PARD6G: variants seen among roughly 807,000 people sequenced by gnomAD.
PARD6G encodes the protein partitioning defective 6 homolog gamma.
In PARD6G, 7 loss-of-function variants were observed where a neutral mutation model predicts 10.7. The observed-to-expected ratio is 0.66, with a 90% confidence interval of 0.37 to 1.23. PARD6G has a LOEUF of 1.23. Among genes scored for constraint, PARD6G ranks in the 50% most tolerant of loss-of-function variants. The probability of loss-of-function intolerance (pLI) is 0.02; values close to 1 mark genes in which losing one functional copy is unlikely to be tolerated. For synonymous variants in PARD6G, 287 were observed against 269.4 expected, an observed-to-expected ratio of 1.07 and a Z score of -0.64; for missense variants, 548 against 571.8, an observed-to-expected ratio of 0.96 and a Z score of 0.42.
At chr18:80,229,020 C>A (rs752585941) in intron 1 of PARD6G, among the ~76,000 whole-genome samples, 1 of 152,160 alleles carries the variant, frequency 6.6e-6, no homozygotes, top group African/African-American at 2.4e-5. Flanking sequence ...CTCACCATAA[C>A]CTCCACCTCC....
In PARD6G at chr18:80,158,710, T is replaced by G. The variant is rs757225556; in HGVS notation, c.*1061A>C. 1 of 152,338 alleles carries G rather than the reference T, an allele frequency of 6.6e-6. No homozygotes were observed. The highest frequency in any genetic ancestry group is 2.1e-4 in the South Asian group (1 of 4,824). 9.4% of individuals were successfully genotyped at this position (152,338 alleles called of 1,614,324 possible). On this transcript the variant is annotated 3_prime_UTR_variant, in exon 3 of 3. Coordinates refer to ENST00000353265, the MANE Select transcript of PARD6G (RefSeq NM_032510.4). ...TAAAAATACAAAAATTAGCTGGGTA[T>G]GGTGGCATGTGCCTGTCCCAGCTCC...
At chr18:80,194,930 C>T (rs941242392) in intron 2 of PARD6G, among the ~76,000 whole-genome samples, 2 of 152,126 alleles carry the variant, frequency 1.3e-5, no homozygotes, top group African/African-American at 2.4e-5. Flanking sequence ...CCTCCTGGGC[C>T]GACTGCTAGA....
At chr18:80,203,696 G>A (rs1440359079) in intron 1 of PARD6G, among the ~76,000 whole-genome samples, 1 of 152,216 alleles carries the variant, frequency 6.6e-6, no homozygotes, top group African/African-American at 2.4e-5. Context: ...AGAGGCAGGA[G>A]AGGACGCAAG....
chr18:80,192,664 G>A lies in PARD6G; in HGVS notation c.295+10046C>T, dbSNP rs1966909612. Among the ~76,000 whole-genome samples the A allele has an allele frequency of 6.6e-6, 1 of 152,186 alleles. No individual in the cohort carries two copies. The highest frequency in any genetic ancestry group is 2.4e-5 in the African/African-American group (1 of 41,452). On this transcript the variant is annotated intron_variant, in intron 2 of 2. Transcript: ENST00000353265. This position sits in a 1 kb window ranked among gnomAD's most constrained non-coding sequence, Gnocchi z 4.9. The stretch of plus-strand genomic sequence containing the variant: ...TACACTGTACTTTCTGAACCTTACT[G>A]TGGTCCAGAACACCAAAGACAAGGA...
At chr18:80,171,511 A>T (rs2052776959) in intron 2 of PARD6G, 1 of 152,280 alleles carries the variant, frequency 6.6e-6, no homozygotes, top group African/African-American at 2.4e-5. Context: ...TTTACATAAC[A>T]TAAAATTAAC....
chr18:80,173,482 A>G (rs2052790203), intron 2 of PARD6G, among the ~76,000 whole-genome samples: 1 of 152,114 alleles, frequency 6.6e-6, no homozygotes, highest in South Asian at 2.1e-4. Flanking sequence ...AAAATTAGCC[A>G]GGCATGGTGG....
intron 1 of PARD6G, among the ~76,000 whole-genome samples, chr18:80,218,696 G>T (rs1012261039): frequency 2.6e-5 from 4 of 152,240 alleles, no homozygotes; most frequent in Non-Finnish European, 5.9e-5. Context: ...AGTGGGGACT[G>T]TATGTGGGGG....
At position 80,201,800 on chromosome 18, in the gene PARD6G, G is replaced by A. The variant is rs895923301; in HGVS notation, c.295+910C>T. Among the ~76,000 whole-genome samples, 14 of 152,204 alleles carry A rather than the reference G, an allele frequency of 9.2e-5. No homozygotes were observed. The highest frequency in any genetic ancestry group is 2.6e-4 in the Admixed American group (4 of 15,282). On this transcript the variant is annotated intron_variant, in intron 2 of 2. Coordinates refer to ENST00000353265, the MANE Select transcript of PARD6G (RefSeq NM_032510.4). This position sits in a 1 kb window ranked among gnomAD's most constrained non-coding sequence, Gnocchi z 5.9. ...AGCAGGACGCTGGGGTGAAGGAGGC[G>A]GAGGGCCTCGTCTGAGAACTCGCCC...
rs920898472 is a variant in PARD6G at position 80,157,312 on chromosome 18, TTTTG to T, written c.*2455_*2458del. ...AAACTTTAATACATAATATGCATAG[TTTTG>T]TTTTTTTAAAAGGAGAAAGTGGCAG... On this transcript the variant is annotated 3_prime_UTR_variant, in exon 3 of 3. Coordinates refer to ENST00000353265, the MANE Select transcript of PARD6G (RefSeq NM_032510.4). The T allele has an allele frequency of 3.3e-5, 5 of 152,042 alleles. No individual in the cohort carries two copies. Among genetic ancestry groups the T allele is most frequent in the African/African-American group, 7.3e-5 (3 of 41,290 alleles). The allele number at this position is 152,042 out of a possible 1,614,324, so 9.4% of individuals were successfully genotyped here.
chr18:80,177,228 A>ATG (rs2052816781), intron 2 of PARD6G, among the ~76,000 whole-genome samples: 1 of 146,526 alleles, frequency 6.8e-6, no homozygotes, highest in African/African-American at 2.6e-5. Context: ...GCACACACAC[A>ATG]CACACACACA....
chr18:80,245,407 G>A (rs1407962935), intron 1 of PARD6G, among the ~76,000 whole-genome samples: 1 of 152,190 alleles, frequency 6.6e-6, no homozygotes, highest in African/African-American at 2.4e-5. Flanking sequence ...AGGATCCTAG[G>A]ATGAAAGGGG....
At chr18:80,186,427 T>C (rs2052879071) in intron 2 of PARD6G, among the ~76,000 whole-genome samples, 1 of 111,424 alleles carries the variant, frequency 9.0e-6, no homozygotes, top group African/African-American at 4.1e-5. Context: ...GCATATGCCC[T>C]CACATATGCT....
At chr18:80,164,463 G>C (rs1222853086) in intron 2 of PARD6G, among the ~76,000 whole-genome samples, 2 of 152,064 alleles carry the variant, frequency 1.3e-5, no homozygotes, top group African/African-American at 4.8e-5. Flanking sequence ...GTTTCCACCG[G>C]GTCCACACTG....
chr18:80,223,156 T>C (rs901142987), intron 1 of PARD6G, among the ~76,000 whole-genome samples: 1 of 152,186 alleles, frequency 6.6e-6, no homozygotes, highest in Admixed American at 6.6e-5. Context: ...GCTAAAATTA[T>C]AAAACTATTA....
chr18:80,192,492 G>A lies in PARD6G; in HGVS notation c.295+10218C>T, dbSNP rs1966907036. ...GACGGGGGAGAGCAGGTGCCACGGC[G>A]GGAGCCCAGGGGACGGGGGAGAGCA... On this transcript the variant is annotated intron_variant, in intron 2 of 2. Transcript: ENST00000353265. This position sits in a 1 kb window ranked among gnomAD's most constrained non-coding sequence, Gnocchi z 4.9. 6.6e-6 allele frequency among the ~76,000 whole-genome samples: 1 copy of A among 151,572 alleles called. No individual in the cohort carries two copies. The highest frequency in any genetic ancestry group is 6.6e-5 in the Admixed American group (1 of 15,226).
At chr18:80,166,267 C>G (rs2052735438) in intron 2 of PARD6G, among the ~76,000 whole-genome samples, 1 of 151,072 alleles carries the variant, frequency 6.6e-6, no homozygotes, top group Admixed American at 6.6e-5. Context: ...AGCACACCAC[C>G]CCAATCATGA....
chr18:80,242,669 T>C (rs922750453), intron 1 of PARD6G, among the ~76,000 whole-genome samples: 1 of 152,184 alleles, frequency 6.6e-6, no homozygotes, highest in Admixed American at 6.5e-5. Context: ...TCTGCACTGA[T>C]TGGAAACATT....
chr18:80,219,539 G>A (rs892169968), intron 1 of PARD6G, among the ~76,000 whole-genome samples: 12 of 152,136 alleles, frequency 7.9e-5, no homozygotes, highest in Admixed American at 2.0e-4. Context: ...TCATCAGGCT[G>A]CAAATTTTCC....
intron 2 of PARD6G, among the ~76,000 whole-genome samples, chr18:80,185,623 C>T (rs569502696): frequency 6.6e-6 from 1 of 152,024 alleles, no homozygotes; most frequent in South Asian, 2.1e-4. Flanking sequence ...CACACCCACA[C>T]ACACATGCAC....
Sources: allele counts gnomAD v4.1 joint callset (sites outside exome capture counted in the v4.1 genomes callset), GRCh38; gene constraint gnomAD v4.1.1; non-coding constraint Gnocchi (gnomAD v3.1); transcripts MANE v1.5; gene names NCBI Gene and HGNC (gene_info 2026-07-23, HGNC 2026-07-21).